The following ESRRG variants were observed in gnomAD, a reference collection of about 807,000 sequenced individuals.
The protein encoded by ESRRG is estrogen-related receptor gamma.
A neutral mutation model predicts 44.0 loss-of-function variants in ESRRG; 13 were observed. That is an observed-to-expected ratio of 0.30 (90% confidence interval 0.19 to 0.47). The LOEUF (loss-of-function observed/expected upper bound fraction) is 0.47. ESRRG is among the 20% of genes least tolerant of loss of function. The probability of loss-of-function intolerance (pLI) is 1.00; values close to 1 mark genes in which losing one functional copy is unlikely to be tolerated. For synonymous variants in ESRRG, 215 were observed against 214.6 expected, an observed-to-expected ratio of 1.00 and a Z score of -0.02; for missense variants, 395 against 580.6, an observed-to-expected ratio of 0.68 and a Z score of 3.29.
At chr1:216,933,034 C>A (rs1392495632) in intron 2 of ESRRG, among the ~76,000 whole-genome samples, 13 of 151,904 alleles carry the variant, frequency 8.6e-5, no homozygotes, top group Non-Finnish European at 8.8e-5. Context: ...TTGGCCAAAG[C>A]TTTTATCTTC....
In ESRRG at chr1:216,917,279, G is replaced by A. The variant is rs1363538367; in HGVS notation, c.-14+22303C>T. On this transcript the variant is annotated intron_variant, in intron 2 of 7. Transcript: ENST00000359162. ...AGATCATTTCTGACACAGTCTAGTG[G>A]TTAAAGTGAATCCCAGGGCCAGCCT... Among the ~76,000 whole-genome samples, 3 of 151,728 alleles carry A rather than the reference G, an allele frequency of 2.0e-5. No homozygotes were observed. The East Asian group carries it at 5.9e-4, about 30-fold the overall frequency.
chr1:217,090,490 C>T (rs2092323054), upstream of ESRRG: 1 of 152,278 alleles, frequency 6.6e-6, no homozygotes. Flanking sequence ...GGGCCAGACA[C>T]TCATGTTCGC....
chr1:216,655,787 A>T (rs1324456204), intron 2 of ESRRG, among the ~76,000 whole-genome samples: 1 of 152,130 alleles, frequency 6.6e-6, no homozygotes, highest in Non-Finnish European at 1.5e-5. Context: ...AAACCTCTCT[A>T]ATTTCCAGGC....
At chr1:216,913,183 A>G (rs756382212) in intron 2 of ESRRG, among the ~76,000 whole-genome samples, 5 of 151,766 alleles carry the variant, frequency 3.3e-5, no homozygotes, top group Admixed American at 6.6e-5. Context: ...GAATAGTTGC[A>G]TCTCTACTCA....
At chr1:216,655,298 G>C (rs987153167) in intron 2 of ESRRG, among the ~76,000 whole-genome samples, 5 of 152,116 alleles carry the variant, frequency 3.3e-5, no homozygotes, top group Admixed American at 2.6e-4. Flanking sequence ...ACTGAGAGGA[G>C]ACAAGACGTG....
rs2148681513 is a variant in ESRRG at position 216,504,944 on chromosome 1, A to G, written c.*1995T>C. 1 of 152,732 alleles carries G rather than the reference A, an allele frequency of 6.5e-6. No individual in the cohort carries two copies. The highest frequency in any genetic ancestry group is 1.9e-4 in the East Asian group (1 of 5,184). The allele number at this position is 152,732 out of a possible 1,614,324, so 9.5% of individuals were successfully genotyped here. ...AGTCTCCTGAGGAATTGTACATCCA[A>G]TATTGTCTCTAATTCTACCCTGTGT... is the stretch of plus-strand genomic sequence containing the variant. On this transcript the variant is annotated 3_prime_UTR_variant, in exon 7 of 7. Coordinates refer to ENST00000408911, the MANE Select transcript of ESRRG (RefSeq NM_001438.4).
At chr1:216,969,747 G>C (rs778612428) in intron 1 of ESRRG, among the ~76,000 whole-genome samples, 4 of 151,974 alleles carry the variant, frequency 2.6e-5, no homozygotes, top group Non-Finnish European at 5.9e-5. Flanking sequence ...CACCATGCCC[G>C]GCTAATTTTG....
chr1:216,918,639 G>T (rs1273441140), intron 2 of ESRRG, among the ~76,000 whole-genome samples: 2 of 151,892 alleles, frequency 1.3e-5, no homozygotes, highest in Non-Finnish European at 2.9e-5. Context: ...AGACGATAAT[G>T]ACCTAATGGA....
intron 3 of ESRRG, among the ~76,000 whole-genome samples, chr1:216,626,779 G>A (rs2063266467): frequency 6.6e-6 from 1 of 152,172 alleles, no homozygotes. Context: ...TGGTATCTTT[G>A]TAACTGGCCT....
intron 2 of ESRRG, among the ~76,000 whole-genome samples, chr1:216,814,113 T>C (rs1288396269): frequency 7.2e-6 from 1 of 139,834 alleles, no homozygotes; most frequent in Non-Finnish European, 1.6e-5. Context: ...AAGTCCTTGG[T>C]CATGGGAAAA....
intron 2 of ESRRG, among the ~76,000 whole-genome samples, chr1:216,874,146 G>T (rs183041531): frequency 1.3e-5 from 2 of 152,004 alleles, no homozygotes; most frequent in East Asian, 3.9e-4. Flanking sequence ...TCCACTTCTG[G>T]GTTTCAACTA....
At position 216,723,351 on chromosome 1, in the gene ESRRG, T is replaced by C; in HGVS notation, c.-52A>G. On this transcript the variant is annotated 5_prime_UTR_variant, in exon 1 of 7. Transcript: ENST00000408911. The stretch of plus-strand genomic sequence containing the variant: ...ACCCCAGCTATAAATCAAAGTTTCC[T>C]TGACAGAGCACAGTGCAATTAACAC... The C allele has an allele frequency of 1.3e-6, 2 of 1,559,858 alleles. No homozygotes were observed. The highest frequency in any genetic ancestry group is 1.1e-5 in the South Asian group (1 of 89,996).
At position 216,683,706 on chromosome 1, in the gene ESRRG, G is replaced by A. The variant is rs766774111; in HGVS notation, c.57-6215C>T. On this transcript the variant is annotated intron_variant, in intron 1 of 6. Transcript: ENST00000408911. ...TTCAACTCATTTCTGGCTGATCATC[G>A]AAATAAAAGTGTCCCATGCATTATA... is the stretch of plus-strand genomic sequence containing the variant. 5.3e-5 allele frequency among the ~76,000 whole-genome samples: 8 copies of A among 152,132 alleles called. 1 individual carries two copies. The highest frequency in any genetic ancestry group is 8.8e-5 in the Non-Finnish European group (6 of 68,010).
chr1:217,073,280 TG>T (rs1187140557), intron 1 of ESRRG, among the ~76,000 whole-genome samples: 2 of 147,612 alleles, frequency 1.4e-5, no homozygotes, highest in Non-Finnish European at 3.0e-5. Context: ...AAAACCCAAC[TG>T]TAGGCAAAAT....
intron 2 of ESRRG, among the ~76,000 whole-genome samples, chr1:216,908,757 G>A (rs2059965311): frequency 6.6e-6 from 1 of 151,746 alleles, no homozygotes; most frequent in Non-Finnish European, 1.5e-5. Flanking sequence ...AGACCTGGAA[G>A]GACTTGGAAT....
At chr1:217,021,191 C>T (rs11117752) in intron 1 of ESRRG, among the ~76,000 whole-genome samples, 1 of 151,982 alleles carries the variant, frequency 6.6e-6, no homozygotes, top group African/African-American at 2.4e-5. Context: ...CGTTCACAGA[C>T]AACACTCCGG....
chr1:216,922,816 T>C (rs1225349907), intron 2 of ESRRG, among the ~76,000 whole-genome samples: 2 of 152,156 alleles, frequency 1.3e-5, no homozygotes, highest in Non-Finnish European at 2.9e-5. Flanking sequence ...CTGTTGTTGT[T>C]AACAATTGCA....
chr1:216,778,325 C>A (rs1339036593), intron 2 of ESRRG, among the ~76,000 whole-genome samples: 2 of 151,994 alleles, frequency 1.3e-5, no homozygotes, highest in East Asian at 3.9e-4. Flanking sequence ...GTCCTTTGTA[C>A]CTCTACTTAG....
chr1:217,064,310 C>T (rs996211599), intron 1 of ESRRG, among the ~76,000 whole-genome samples: 7 of 151,510 alleles, frequency 4.6e-5, no homozygotes, highest in East Asian at 3.9e-4. Flanking sequence ...TATATATGTG[C>T]GTATATATAA....
Sources: gnomAD v4.1 joint callset for allele counts (sites outside exome capture counted in the v4.1 genomes callset) on GRCh38, gnomAD v4.1.1 for gene constraint, MANE v1.5 for transcripts, NCBI Gene and HGNC (gene_info 2026-07-23, HGNC 2026-07-21) for gene names.